Variants in SOX6 observed in about 807,000 individuals in gnomAD.
The protein encoded by SOX6 is transcription factor SOX-6.
A neutral mutation model predicts 97.8 loss-of-function variants in SOX6; 11 were observed. The observed-to-expected ratio is 0.11, with a 90% CI of 0.07 to 0.19. The LOEUF is 0.19. SOX6 is among the 10% of genes least tolerant of loss of function. The pLI is 1.00. For synonymous variants in SOX6, 360 were observed against 371.4 expected (o/e 0.97, Z 0.35); for missense variants, 810 against 1,039.5 (o/e 0.78, Z 3.04).
chr11:16,206,349 A>T (rs1852072189), intron 4 of SOX6, among the ~76,000 whole-genome samples: 1 of 152,188 alleles, frequency 6.6e-6, no homozygotes, highest in Admixed American at 6.5e-5. Context: ...AACTTACATC[A>T]TTCTGTATAT....
intron 4 of SOX6, among the ~76,000 whole-genome samples, chr11:16,223,415 G>A (rs1242623767): frequency 1.3e-5 from 2 of 152,024 alleles, no homozygotes; most frequent in African/African-American, 2.4e-5. Flanking sequence ...AGTTATAGAA[G>A]TTCTTTTGAT....
At chr11:16,306,984 G>A (rs940901880) in intron 3 of SOX6, among the ~76,000 whole-genome samples, 1 of 152,038 alleles carries the variant, frequency 6.6e-6, no homozygotes, top group African/African-American at 2.4e-5. Context: ...AGAACTCCAG[G>A]AACCAAATTC....
At chr11:16,097,003 A>G (rs976842219) in intron 8 of SOX6, among the ~76,000 whole-genome samples, 2 of 151,810 alleles carry the variant, frequency 1.3e-5, no homozygotes, top group African/African-American at 2.4e-5. Context: ...TGAAGAAGAT[A>G]AGGTGTAAAT....
At chr11:16,558,584 C>T (rs938398735) in intron 4 of SOX6, among the ~76,000 whole-genome samples, 9 of 151,992 alleles carry the variant, frequency 5.9e-5, no homozygotes, top group African/African-American at 2.2e-4. Context: ...TCACTAATAT[C>T]TCTTCTTTCT....
intron 7 of SOX6, among the ~76,000 whole-genome samples, chr11:16,100,856 G>A (rs138946772): frequency 2.6e-4 from 39 of 151,528 alleles, no homozygotes; most frequent in Non-Finnish European, 4.3e-4. Context: ...TCCTGAGATA[G>A]TAACTTCAGA....
intron 1 of SOX6, among the ~76,000 whole-genome samples, chr11:16,363,817 C>G (rs1009749225): frequency 6.6e-6 from 1 of 150,868 alleles, no homozygotes; most frequent in African/African-American, 2.4e-5. Flanking sequence ...AAAAAAAGTA[C>G]GTTAGAAGTT....
intron 1 of SOX6, among the ~76,000 whole-genome samples, chr11:16,434,980 AC>A (rs1219723659): frequency 6.6e-6 from 1 of 152,176 alleles, no homozygotes; most frequent in Admixed American, 6.6e-5. Flanking sequence ...TAAGTATACA[AC>A]TATTACGCAG....
At chr11:16,475,309 G>A (rs10832615) in intron 1 of SOX6, among the ~76,000 whole-genome samples, 33,405 of 152,142 alleles carry the variant, frequency 0.22, 4,178 homozygotes, top group East Asian at 0.51. Context: ...ACTGGTACAA[G>A]AGGCCTAGCT....
Position 16,494,646 on chromosome 11 carries a change from G to C in SOX6, n.610-18258C>G, listed in dbSNP as rs190302553. Among the ~76,000 whole-genome samples the C allele has an allele frequency of 9.2e-5, 14 of 152,160 alleles. No homozygotes were observed. In the East Asian group the frequency reaches 2.7e-3, roughly 30 times the overall value. ...AATCGATCACTTAAGAGAGAACACT[G>C]AAATTCAATAGGGAAGTAATAGGAA... On this transcript the variant is annotated intron_variant and non_coding_transcript_variant, in intron 4 of 5. Transcript: ENST00000524520.
chr11:16,269,949 G>T (rs903526653), intron 3 of SOX6: 3 of 151,194 alleles, frequency 2.0e-5, no homozygotes, highest in African/African-American at 7.2e-5. Flanking sequence ...AATACCTTCA[G>T]AAAAATGTTG....
At chr11:16,440,315 T>C (rs1405796908) in intron 1 of SOX6, among the ~76,000 whole-genome samples, 1 of 152,298 alleles carries the variant, frequency 6.6e-6, no homozygotes, top group Non-Finnish European at 1.5e-5. Context: ...TTCAAAAGGA[T>C]ACACAGAAAT....
intron 3 of SOX6, among the ~76,000 whole-genome samples, chr11:16,261,693 T>A (rs2134214712): frequency 6.6e-6 from 1 of 152,126 alleles, no homozygotes; most frequent in Middle Eastern, 3.4e-3. Flanking sequence ...GCAGTCTAGG[T>A]CAGACCATTA....
chr11:16,210,220 A>G (rs1852182786), intron 4 of SOX6, among the ~76,000 whole-genome samples: 1 of 150,418 alleles, frequency 6.6e-6, no homozygotes, highest in African/African-American at 2.5e-5. Flanking sequence ...ATAATAGCAA[A>G]AAAAGAGAAA....
intron 6 of SOX6, among the ~76,000 whole-genome samples, chr11:16,168,573 C>T (rs974787038): frequency 2.0e-5 from 3 of 152,092 alleles, no homozygotes; most frequent in African/African-American, 7.2e-5. Flanking sequence ...ATGGAAACCA[C>T]TATATTTCTG....
intron 2 of SOX6, among the ~76,000 whole-genome samples, chr11:16,323,224 G>T (rs1855978885): frequency 6.6e-6 from 1 of 152,086 alleles, no homozygotes; most frequent in Admixed American, 6.6e-5. Flanking sequence ...AATATGTGTA[G>T]ATGATTGAAA....
At chr11:16,188,678 A>G (rs1257178011) in intron 4 of SOX6, among the ~76,000 whole-genome samples, 1 of 152,204 alleles carries the variant, frequency 6.6e-6, no homozygotes, top group Non-Finnish European at 1.5e-5. Flanking sequence ...CTGAATTGCC[A>G]CTATGTATCA....
intron 3 of SOX6, chr11:16,316,188 A>T (rs1195232353): frequency 6.6e-6 from 1 of 151,850 alleles, no homozygotes; most frequent in Non-Finnish European, 1.5e-5. Context: ...TTGGGTCACA[A>T]CTTCTGAACT....
chr11:16,295,677 A>G (rs545686577), intron 3 of SOX6, among the ~76,000 whole-genome samples: 2 of 152,218 alleles, frequency 1.3e-5, no homozygotes, highest in South Asian at 2.1e-4. Flanking sequence ...ATCCCTGAAG[A>G]TAAAGTAAAA....
chr11:16,587,830 C>T (rs934133740), intron 4 of SOX6, among the ~76,000 whole-genome samples: 7 of 152,158 alleles, frequency 4.6e-5, no homozygotes, highest in Admixed American at 3.9e-4. Flanking sequence ...AAACCATACT[C>T]AAAAAACCTG....
Sources: allele counts gnomAD v4.1 joint callset (sites outside exome capture counted in the v4.1 genomes callset), GRCh38; gene constraint gnomAD v4.1.1; transcripts MANE v1.5; gene names NCBI Gene and HGNC (gene_info 2026-07-23, HGNC 2026-07-21).